LRRIQ1: variants seen among roughly 807,000 people sequenced by gnomAD.
LRRIQ1 encodes leucine-rich repeat- and IQ domain-containing protein 1.
A neutral mutation model predicts 211.9 loss-of-function variants in LRRIQ1; 210 were observed. The ratio of observed to expected loss-of-function variants is 0.99; its 90% CI spans 0.89 to 1.11. The LOEUF is 1.11. Ranked by LOEUF, LRRIQ1 falls within the 50% of genes most tolerant of loss-of-function variation. LRRIQ1 has a pLI of 0.00. For synonymous variants in LRRIQ1, 699 were observed against 650.1 expected (o/e 1.08, Z -1.14); for missense variants, 2,136 against 1,939.5 (o/e 1.10, Z -1.90).
chr12:85,158,662 A>G (rs901092982), intron 23 of LRRIQ1, among the ~76,000 whole-genome samples: 4 of 151,966 alleles, frequency 2.6e-5, no homozygotes, highest in African/African-American at 9.7e-5. Flanking sequence ...TTCTTGAAAC[A>G]TTTTTGAACA....
At chr12:85,083,810 A>G (rs1050760856) in intron 11 of LRRIQ1, among the ~76,000 whole-genome samples, 1 of 152,224 alleles carries the variant, frequency 6.6e-6, no homozygotes, top group African/African-American at 2.4e-5. Flanking sequence ...TAAAGCAGTA[A>G]TCTATAATTG....
intron 1 of LRRIQ1, among the ~76,000 whole-genome samples, chr12:85,256,357 T>C (rs1360007814): frequency 1.3e-5 from 2 of 151,718 alleles, no homozygotes; most frequent in African/African-American, 2.4e-5. Flanking sequence ...TTTCTTAAAT[T>C]GTTTGACTTG....
At chr12:85,184,313 C>T (rs1194811969) in intron 24 of LRRIQ1, among the ~76,000 whole-genome samples, 1 of 152,014 alleles carries the variant, frequency 6.6e-6, no homozygotes, top group Non-Finnish European at 1.5e-5. Context: ...TGCAATTCCT[C>T]ATTTCCATTT....
chr12:85,082,976 A>T (rs565869531), intron 11 of LRRIQ1, among the ~76,000 whole-genome samples: 2 of 152,312 alleles, frequency 1.3e-5, no homozygotes, highest in South Asian at 4.1e-4. Context: ...CTATCTGAGC[A>T]AATCTGAGCT....
At chr12:85,210,054 G>T (rs1893763728) in intron 24 of LRRIQ1, among the ~76,000 whole-genome samples, 1 of 151,736 alleles carries the variant, frequency 6.6e-6, no homozygotes, top group Non-Finnish European at 1.5e-5. Context: ...TTTTTTTCTT[G>T]TGGAAGACTT....
rs765859390 is a variant in LRRIQ1 at position 85,056,487 on chromosome 12, A to T, written c.1694A>T (p.Glu565Val). ...IILGHNQEISEVKTNEEQKII... is the reference protein window; with the variant it reads ...IILGHNQEISVVKTNEEQKII... Reference sequence around the variant, plus strand: ...TTAGGACATAACCAAGAAATCAGTGAGGTGAAAACCAATGAAGAGCAGAAA... The same window carrying T: ...TTAGGACATAACCAAGAAATCAGTGTGGTGAAAACCAATGAAGAGCAGAAA... The change falls in exon 8 of 27, where the codon GAG becomes GTG. Residue 565 changes from glutamate to valine, a missense_variant. Physicochemically the swap from Glu to Val is moderately radical, Grantham distance 121. Transcript: ENST00000393217. 1 of 1,611,486 alleles carries T rather than the reference A, an allele frequency of 6.2e-7. No homozygotes were observed. Among genetic ancestry groups the T allele is most frequent in the South Asian group, 1.1e-5 (1 of 90,366 alleles).
intron 24 of LRRIQ1, among the ~76,000 whole-genome samples, chr12:85,161,594 C>T (rs975554608): frequency 7.2e-5 from 11 of 152,026 alleles, no homozygotes; most frequent in East Asian, 5.8e-4. Context: ...CTTCATAGCA[C>T]GATTGAAAAT....
chr12:85,085,071 A>G (rs1238685251), intron 11 of LRRIQ1, among the ~76,000 whole-genome samples: 1 of 152,196 alleles, frequency 6.6e-6, no homozygotes, highest in Non-Finnish European at 1.5e-5. Flanking sequence ...TTTCCTACAG[A>G]TAATTTACTA....
intron 13 of LRRIQ1, among the ~76,000 whole-genome samples, chr12:85,102,983 TA>T (rs1565834310): frequency 2.8e-5 from 4 of 142,700 alleles, no homozygotes; most frequent in African/African-American, 1.0e-4. Context: ...TATATATATA[TA>T]TATTTTACTA....
chr12:85,211,381 C>T (rs1419720423), intron 24 of LRRIQ1, among the ~76,000 whole-genome samples: 1 of 152,066 alleles, frequency 6.6e-6, no homozygotes, highest in African/African-American at 2.4e-5. Context: ...TTACCCATGT[C>T]GTAGTTTTAA....
rs148103264 is a variant in LRRIQ1 at position 85,260,424 on chromosome 12, C to T, written c.122-2491C>T. On this transcript the variant is annotated intron_variant, in intron 1 of 1. Transcript: ENST00000602731. ...TATTATTGAATTAAATTTTAAAATA[C>T]ATACTTACTTCTACTTATTACCTTG... Among the ~76,000 whole-genome samples the T allele has an allele frequency of 8.7e-5, 13 of 149,118 alleles. No homozygotes were observed. The East Asian group carries it at 2.1e-3, about 24-fold the overall frequency.
intron 15 of LRRIQ1, among the ~76,000 whole-genome samples, chr12:85,112,995 G>A (rs942003212): frequency 4.6e-5 from 7 of 151,990 alleles, no homozygotes; most frequent in African/African-American, 1.7e-4. Context: ...TTCATTTATT[G>A]GGGAAAGGAT....
intron 16 of LRRIQ1, 48 bp downstream of exon 16, chr12:85,121,924 T>C: frequency 7.2e-7 from 1 of 1,392,392 alleles, no homozygotes; most frequent in African/African-American, 1.5e-5. Flanking sequence ...AATAATGTAA[T>C]TTATAAATGT....
At chr12:85,261,552 C>G (rs1032669285) in intron 1 of LRRIQ1, among the ~76,000 whole-genome samples, 6 of 151,170 alleles carry the variant, frequency 4.0e-5, no homozygotes, top group African/African-American at 1.5e-4. Flanking sequence ...AAAAAACATT[C>G]TATTTTTTTT....
intron 26 of LRRIQ1, among the ~76,000 whole-genome samples, chr12:85,243,280 TATTGAAATAC>T (rs1229142694): frequency 6.8e-6 from 1 of 147,990 alleles, no homozygotes; most frequent in Non-Finnish European, 1.5e-5. Flanking sequence ...TCTTGGATAC[TATTGAAATAC>T]ATTTCAAAAA....
At position 85,198,064 on chromosome 12, in the gene LRRIQ1, CAT is replaced by C. The variant is rs573018409; in HGVS notation, c.4823-31450_4823-31449del. The stretch of plus-strand genomic sequence containing the variant: ...TAATATATTATATAATTATATATAA[CAT>C]ATTATTTATATATAATTTATTATAT... On this transcript the variant is annotated intron_variant, in intron 24 of 26. Coordinates refer to ENST00000393217, the MANE Select transcript of LRRIQ1 (RefSeq NM_001079910.2). Among the ~76,000 whole-genome samples the C allele has an allele frequency of 5.1e-4, 22 of 43,402 alleles. 1 individual carries two copies. The highest frequency in any genetic ancestry group is 1.5e-3 in the African/African-American group (4 of 2,728). The allele number at this position is 43,402 out of a possible 152,430, so 28.5% of individuals were successfully genotyped here.
chr12:85,208,017 CTT>C (rs63702061), intron 24 of LRRIQ1, among the ~76,000 whole-genome samples: 3 of 148,568 alleles, frequency 2.0e-5, no homozygotes, highest in East Asian at 3.9e-4. Context: ...TCTCATGTTC[CTT>C]TTTTTTTCAA....
At chr12:85,237,504 A>G (rs1381055837) in intron 26 of LRRIQ1, among the ~76,000 whole-genome samples, 2 of 152,100 alleles carry the variant, frequency 1.3e-5, no homozygotes, top group Admixed American at 6.6e-5. Context: ...AGCTCTGTAT[A>G]TACTGCACTA....
At chr12:85,268,998 C>G (rs971386363), downstream of LRRIQ1, among the ~76,000 whole-genome samples, 2 of 151,826 alleles carry the variant, frequency 1.3e-5, no homozygotes, top group Non-Finnish European at 2.9e-5. Context: ...TTTCCAGATT[C>G]TATTTAACTG....
Sources: gnomAD v4.1 joint callset for allele counts (sites outside exome capture counted in the v4.1 genomes callset) on GRCh38, gnomAD v4.1.1 for gene constraint, MANE v1.5 for transcripts, NCBI Gene and HGNC (gene_info 2026-07-23, HGNC 2026-07-21) for gene names.